Variants in NFIL3 observed in about 807,000 individuals in gnomAD.
NFIL3 encodes nuclear factor, interleukin 3 regulated.
Under a neutral mutation model 10.0 loss-of-function variants are expected in NFIL3, and 5 were observed. That is an observed-to-expected ratio of 0.50 (90% CI 0.26 to 1.06). NFIL3 has a LOEUF of 1.06. NFIL3 is among the 50% of genes least tolerant of loss of function. The pLI is 0.13. For missense variants in NFIL3, 436 were observed against 547.6 expected (o/e 0.80, Z 2.03); for synonymous variants, 202 against 206.5 (o/e 0.98, Z 0.19).
chr9:91,464,648 G>T, the NFIL3 span, among the ~76,000 whole-genome samples: 1 of 152,062 alleles, frequency 6.6e-6, no homozygotes, highest in Non-Finnish European at 1.5e-5. Context: ...TTTGACCTAT[G>T]TTATTTCCTT....
chr9:91,471,703 A>G, the NFIL3 span, among the ~76,000 whole-genome samples: 6 of 151,996 alleles, frequency 3.9e-5, no homozygotes, highest in Non-Finnish European at 7.4e-5. Flanking sequence ...ACCCATTTAC[A>G]TTTAAGGTTA....
chr9:91,442,870 G>C, the NFIL3 span, among the ~76,000 whole-genome samples: 224 of 152,214 alleles, frequency 1.5e-3, no homozygotes, highest in Admixed American at 3.9e-3. Context: ...CTTGTCATCC[G>C]GAATGTGGCA....
At chr9:91,416,567 G>C (rs1833662070) in intron 1 of NFIL3, among the ~76,000 whole-genome samples, 1 of 152,136 alleles carries the variant, frequency 6.6e-6, no homozygotes, top group Non-Finnish European at 1.5e-5. Flanking sequence ...CCAATTCTAT[G>C]ATGTTAGTGT....
chr9:91,436,893 T>C, the NFIL3 span, among the ~76,000 whole-genome samples: 1 of 152,056 alleles, frequency 6.6e-6, no homozygotes, highest in African/African-American at 2.4e-5. Context: ...CCAACCTTTT[T>C]TGGCAGCAGG....
At chr9:91,459,674 G>A in the NFIL3 span, among the ~76,000 whole-genome samples, 1 of 152,166 alleles carries the variant, frequency 6.6e-6, no homozygotes, top group East Asian at 1.9e-4. Context: ...GACAGAGAGA[G>A]ACTCTGTCTT....
the NFIL3 span, among the ~76,000 whole-genome samples, chr9:91,477,910 C>T: frequency 0.03 from 4,585 of 152,080 alleles, 95 homozygotes; most frequent in East Asian, 0.093. Flanking sequence ...GCTTATGAAG[C>T]TTGGTTTGGC....
the NFIL3 span, among the ~76,000 whole-genome samples, chr9:91,434,187 T>A: frequency 6.6e-6 from 1 of 152,152 alleles, no homozygotes; most frequent in African/African-American, 2.4e-5. Flanking sequence ...GGCTGAGGCA[T>A]GAGGATCACT....
At chr9:91,451,405 A>G in the NFIL3 span, among the ~76,000 whole-genome samples, 3 of 152,186 alleles carry the variant, frequency 2.0e-5, no homozygotes, top group African/African-American at 7.2e-5. Flanking sequence ...ATGTGTTTTG[A>G]TTCTTATCAT....
chr9:91,433,420 TA>T, the NFIL3 span, among the ~76,000 whole-genome samples: 9 of 152,244 alleles, frequency 5.9e-5, no homozygotes. Context: ...AAGATCTACT[TA>T]CAAGCTTATT....
At chr9:91,450,539 C>T in the NFIL3 span, among the ~76,000 whole-genome samples, 1 of 152,092 alleles carries the variant, frequency 6.6e-6, no homozygotes, top group Non-Finnish European at 1.5e-5. Context: ...TGATTTCTGG[C>T]TTCATTCTAT....
At chr9:91,447,301 G>A in the NFIL3 span, among the ~76,000 whole-genome samples, 1 of 152,158 alleles carries the variant, frequency 6.6e-6, no homozygotes, top group Non-Finnish European at 1.5e-5. Flanking sequence ...TGGCATTCCA[G>A]TATCTGTTTG....
At position 91,409,638 on chromosome 9, in the gene NFIL3, T is replaced by G; in HGVS notation, c.1097A>C (p.Glu366Ala). 1 of 1,614,262 alleles carries G rather than the reference T, an allele frequency of 6.2e-7. No homozygotes were observed. The highest frequency in any genetic ancestry group is 1.3e-5 in the African/African-American group (1 of 75,076). The stretch of plus-strand genomic sequence containing the variant: ...TACCATACTTGGGGCACTATGCTTT[T>G]CGAGTTCGAAATGTCTTTTAGATGT... ...DMTSKRHFEL[E>A]KHSAPSMVHS... Residue 366 changes from glutamate (E) to alanine (A), a missense_variant, in exon 2 of 2, where the codon GAA becomes GCA. Transcript: ENST00000297689.
the NFIL3 span, among the ~76,000 whole-genome samples, chr9:91,431,165 G>A: frequency 1.3e-5 from 2 of 152,172 alleles, no homozygotes; most frequent in African/African-American, 4.8e-5. Context: ...CAACCAGTAC[G>A]TTATTCAGGC....
the NFIL3 span, among the ~76,000 whole-genome samples, chr9:91,466,600 T>G: frequency 6.6e-6 from 1 of 152,200 alleles, no homozygotes; most frequent in Admixed American, 6.5e-5. Flanking sequence ...TCATAATACT[T>G]AAGTTGTAAG....
chr9:91,453,061 G>T, the NFIL3 span, among the ~76,000 whole-genome samples: 4 of 152,008 alleles, frequency 2.6e-5, no homozygotes, highest in Non-Finnish European at 5.9e-5. Context: ...AATTCTGAGG[G>T]CTACACATCT....
the NFIL3 span, among the ~76,000 whole-genome samples, chr9:91,482,848 G>A: frequency 6.6e-6 from 1 of 152,156 alleles, no homozygotes; most frequent in Non-Finnish European, 1.5e-5. Flanking sequence ...GGACTCTAGA[G>A]TATGGTGAAG....
At chr9:91,475,810 T>G in the NFIL3 span, among the ~76,000 whole-genome samples, 1 of 152,220 alleles carries the variant, frequency 6.6e-6, no homozygotes, top group Admixed American at 6.5e-5. Context: ...TACGATAATA[T>G]AGATTAAATG....
chr9:91,413,015 A>G lies in NFIL3; in HGVS notation c.-172-2109T>C, dbSNP rs112367407. Among the ~76,000 whole-genome samples the G allele has an allele frequency of 8.5e-5, 13 of 152,306 alleles. 1 individual carries two copies. The highest frequency in any genetic ancestry group is 2.9e-4 in the African/African-American group (12 of 41,564). Reference sequence around the variant, plus strand: ...CAGGGAATGAAAGGAATTATGTAATAATTTCAGGATCATAAAGAATAATGT... The same window carrying G: ...CAGGGAATGAAAGGAATTATGTAATGATTTCAGGATCATAAAGAATAATGT... On this transcript the variant is annotated intron_variant, in intron 1 of 1. Coordinates refer to ENST00000297689, the MANE Select transcript of NFIL3 (RefSeq NM_005384.3).
chr9:91,481,218 C>T, the NFIL3 span, among the ~76,000 whole-genome samples: 1 of 152,048 alleles, frequency 6.6e-6, no homozygotes, highest in Non-Finnish European at 1.5e-5. Flanking sequence ...TCTTTCATTA[C>T]AGAATTAATT....
Sources: gnomAD v4.1 joint callset for allele counts (sites outside exome capture counted in the v4.1 genomes callset) on GRCh38, gnomAD v4.1.1 for gene constraint, MANE v1.5 for transcripts, NCBI Gene and HGNC (gene_info 2026-07-23, HGNC 2026-07-21) for gene names.